KCTD1: variants seen among roughly 807,000 people sequenced by gnomAD.
KCTD1 encodes potassium channel tetramerization domain containing 1.
A neutral mutation model predicts 66.0 loss-of-function variants in KCTD1; 24 were observed. That is an observed-to-expected ratio of 0.36 (90% CI 0.26 to 0.51). The LOEUF (loss-of-function observed/expected upper bound fraction) is 0.51. Ranked by LOEUF, KCTD1 falls within the 20% of genes least tolerant of loss-of-function variation. The pLI is 0.95. For missense variants in KCTD1, 943 were observed against 1,205.2 expected (o/e 0.78, Z 3.22); for synonymous variants, 511 against 517.2 (o/e 0.99, Z 0.16).
At chr18:26,605,497 A>G (rs1303860797) in intron 1 of KCTD1, among the ~76,000 whole-genome samples, 1 of 152,020 alleles carries the variant, frequency 6.6e-6, no homozygotes, top group African/African-American at 2.4e-5. Flanking sequence ...ATCTTTTCTG[A>G]AATAAATATG....
Position 26,538,485 on chromosome 18 carries a change from C to A in KCTD1, c.1809+8243G>T, listed in dbSNP as rs1984816025. ...GATTTCGTATCTCCCAGAAGACCTG[C>A]AAAAGTGCTACTGGCCAGAGTCTAT... On this transcript the variant is annotated intron_variant, in intron 1 of 4. Transcript: ENST00000580059. Among the ~76,000 whole-genome samples, 6 of 152,052 alleles carry A rather than the reference C, an allele frequency of 3.9e-5. No individual in the cohort carries two copies. In the South Asian group the frequency reaches 1.2e-3, roughly 32 times the overall value.
At chr18:26,548,713 G>C (rs1318261238), upstream of KCTD1, 2 of 903,738 alleles carry the variant, frequency 2.2e-6, no homozygotes, top group East Asian at 5.3e-5. Context: ...GGCGCGCAGG[G>C]GATGGAGGGG....
In KCTD1 at chr18:26,558,883, A is replaced by T. The variant is rs555222117; in HGVS notation, c.-15-57633T>A. ...GGTTGCAGTGAGCCGAGATTGCACCACTGCACTCCAGCCTGGGTGACAGAG... is the reference window on the plus strand; with the variant it reads ...GGTTGCAGTGAGCCGAGATTGCACCTCTGCACTCCAGCCTGGGTGACAGAG... On this transcript the variant is annotated intron_variant, in intron 1 of 4. Transcript: ENST00000317932. 1.1e-4 allele frequency among the ~76,000 whole-genome samples: 16 copies of T among 152,096 alleles called. 1 individual carries two copies. The South Asian group carries it at 3.3e-3, about 32-fold the overall frequency.
At chr18:26,512,053 G>A (rs192784711) in intron 1 of KCTD1, among the ~76,000 whole-genome samples, 2 of 152,256 alleles carry the variant, frequency 1.3e-5, no homozygotes, top group African/African-American at 2.4e-5. Context: ...GCAGAGTATC[G>A]AAAGCTAAAT....
At chr18:26,649,405 C>T (rs1204303352) in intron 1 of KCTD1, among the ~76,000 whole-genome samples, 3 of 152,292 alleles carry the variant, frequency 2.0e-5, no homozygotes, top group African/African-American at 4.8e-5. Context: ...TCCTCCCTGC[C>T]CCACAGCCCA....
chr18:26,528,244 G>A (rs1170174607), intron 1 of KCTD1, among the ~76,000 whole-genome samples: 1 of 152,166 alleles, frequency 6.6e-6, no homozygotes, highest in African/African-American at 2.4e-5. Flanking sequence ...ATGAGGAACA[G>A]CCTTTAATGG....
intron 1 of KCTD1, among the ~76,000 whole-genome samples, chr18:26,516,044 C>A (rs1187278864): frequency 6.6e-6 from 1 of 151,742 alleles, no homozygotes; most frequent in Non-Finnish European, 1.5e-5. Context: ...GGGTCAGGGT[C>A]AGGGAAGCAG....
At chr18:26,512,986 A>T (rs564852703) in intron 1 of KCTD1, among the ~76,000 whole-genome samples, 28 of 152,004 alleles carry the variant, frequency 1.8e-4, no homozygotes, top group Non-Finnish European at 3.2e-4. Flanking sequence ...CTCAAAAAAA[A>T]ATTTTTTTTT....
rs1985349322 is a variant in KCTD1 at position 26,548,175 on chromosome 18, T to C, written c.362A>G (p.His121Arg). Residue 121 changes from histidine (H) to arginine (R), a missense_variant, in exon 1 of 5, where the codon CAT becomes CGT. Physicochemically the swap from His to Arg is conservative, Grantham distance 29. Coordinates refer to ENST00000580059, the MANE Select transcript of KCTD1 (RefSeq NM_001142730.3). Reference protein sequence around the residue: ...AGEELEPEPVHMINMDQSAAL... With the variant: ...AGEELEPEPVRMINMDQSAAL... ...GGCGCTCTGGTCCATATTGATCATA[T>C]GGACCGGCTCGGGCTCCAGCTCCTC... 2 of 1,492,692 alleles carry C rather than the reference T, an allele frequency of 1.3e-6. No individual in the cohort carries two copies. Among genetic ancestry groups the C allele is most frequent in the South Asian group, 1.3e-5 (1 of 78,112 alleles). The allele number at this position is 1,492,692 out of a possible 1,614,324, so 92.5% of individuals were successfully genotyped here.
chr18:26,461,252 G>C (rs1329125242), intron 3 of KCTD1, among the ~76,000 whole-genome samples: 1 of 152,240 alleles, frequency 6.6e-6, no homozygotes, highest in Non-Finnish European at 1.5e-5. Flanking sequence ...AGAGATGACA[G>C]TACTTGGGGG....
chr18:26,647,833 T>TG (rs1304511787), intron 1 of KCTD1, among the ~76,000 whole-genome samples: 168 of 151,570 alleles, frequency 1.1e-3, no homozygotes, highest in Middle Eastern at 3.4e-3. Context: ...TAGATCTTTT[T>TG]TTTTGTTTTG....
chr18:26,554,434 C>T (rs1393088224), intron 1 of KCTD1, among the ~76,000 whole-genome samples: 1 of 137,700 alleles, frequency 7.3e-6, no homozygotes, highest in African/African-American at 2.5e-5. Context: ...CACTTGGCCA[C>T]CTAAACACTG....
chr18:26,608,550 G>T (rs1987066641), intron 1 of KCTD1, among the ~76,000 whole-genome samples: 1 of 152,216 alleles, frequency 6.6e-6, no homozygotes, highest in Non-Finnish European at 1.5e-5. Context: ...GAGCCTGGGG[G>T]AGCACAGCAG....
Position 26,476,960 on chromosome 18 carries a change from T to C in KCTD1, c.1989-301A>G, listed in dbSNP as rs896588382. The C allele has an allele frequency of 4.0e-6, 1 of 249,284 alleles. No individual in the cohort carries two copies. The highest frequency in any genetic ancestry group is 5.7e-5 in the Admixed American group (1 of 17,648). 15.4% of individuals were successfully genotyped at this position (249,284 alleles called of 1,614,324 possible). On this transcript the variant is annotated intron_variant, in intron 2 of 4. Coordinates refer to ENST00000580059, the MANE Select transcript of KCTD1 (RefSeq NM_001142730.3). The surrounding 1 kb of genome is among the most constrained non-coding windows in gnomAD (Gnocchi z 4.9). Reference sequence around the variant, plus strand: ...TCACTGTAATGGAAGATCACATCTTTCCCCGTGTTACTTAAAACAAGCATC... The same window carrying C: ...TCACTGTAATGGAAGATCACATCTTCCCCCGTGTTACTTAAAACAAGCATC...
At chr18:26,531,515 A>G (rs576868725) in intron 1 of KCTD1, among the ~76,000 whole-genome samples, 57 of 152,368 alleles carry the variant, frequency 3.7e-4, no homozygotes, top group African/African-American at 1.3e-3. Context: ...AAGGTATACC[A>G]AAGTATGTTT....
intron 1 of KCTD1, among the ~76,000 whole-genome samples, chr18:26,650,453 T>C (rs1256460915): frequency 6.6e-6 from 1 of 152,250 alleles, no homozygotes; most frequent in East Asian, 1.9e-4. Context: ...AGTGCTTATT[T>C]TGTGCTAGGC....
intron 1 of KCTD1, among the ~76,000 whole-genome samples, chr18:26,539,087 T>C (rs1317529318): frequency 6.6e-6 from 1 of 152,266 alleles, no homozygotes; most frequent in African/African-American, 2.4e-5. Flanking sequence ...CTTCTCTTTA[T>C]TGGATTCTTT....
intron 1 of KCTD1, among the ~76,000 whole-genome samples, chr18:26,606,920 C>CT (rs1987028963): frequency 6.6e-6 from 1 of 152,210 alleles, no homozygotes; most frequent in Admixed American, 6.5e-5. Flanking sequence ...ATGCCTATTT[C>CT]TTTTTTTCAG....
intron 1 of KCTD1, among the ~76,000 whole-genome samples, chr18:26,560,220 T>C (rs1016397919): frequency 6.6e-6 from 1 of 151,890 alleles, no homozygotes; most frequent in African/African-American, 2.4e-5. Context: ...GGGTGTTCAT[T>C]CTCTCTACTT....
Sources: gnomAD v4.1 joint callset for allele counts (sites outside exome capture counted in the v4.1 genomes callset) on GRCh38, gnomAD v4.1.1 for gene constraint, Gnocchi (gnomAD v3.1) non-coding constraint, MANE v1.5 for transcripts, NCBI Gene and HGNC (gene_info 2026-07-23, HGNC 2026-07-21) for gene names.